PIGL: variants seen among roughly 807,000 people sequenced by gnomAD.
PIGL encodes the protein phosphatidylinositol glycan anchor biosynthesis class L.
Under a neutral mutation model 31.1 loss-of-function variants are expected in PIGL, and 22 were observed. The observed-to-expected ratio is 0.71, with a 90% CI of 0.51 to 1.01. The LOEUF (loss-of-function observed/expected upper bound fraction) is 1.01, where lower values mean the gene tolerates loss of function less well. PIGL is among the 50% of genes least tolerant of loss of function. The probability of loss-of-function intolerance (pLI) is 0.00; values close to 1 mark genes in which losing one functional copy is unlikely to be tolerated. For missense variants in PIGL, 302 were observed against 315.9 expected, an observed-to-expected ratio of 0.96 and a Z score of 0.33; for synonymous variants, 131 against 117.4, an observed-to-expected ratio of 1.12 and a Z score of -0.75.
Position 16,325,938 on chromosome 17 carries a change from A to G in PIGL, c.*40A>G. The G allele has an allele frequency of 6.9e-7, 1 of 1,442,780 alleles. No individual in the cohort carries two copies. Among genetic ancestry groups the G allele is most frequent in the Non-Finnish European group, 9.8e-7 (1 of 1,024,068 alleles). The allele number at this position is 1,442,780 out of a possible 1,614,324, so 89.4% of individuals were successfully genotyped here. A position where few individuals can be genotyped will look rare whatever the true frequency, so the allele number is the denominator to read the frequency against. On this transcript the variant is annotated 3_prime_UTR_variant, in exon 7 of 7. Transcript: ENST00000225609. ...TTCAGATCCAAGGAACAAAGGGGAAAATAGACAAAGGAGTGCAGAGGACCT... is the reference window on the plus strand; with the variant it reads ...TTCAGATCCAAGGAACAAAGGGGAAGATAGACAAAGGAGTGCAGAGGACCT...
At chr17:16,266,457 C>G (rs2142759847) in intron 2 of PIGL, among the ~76,000 whole-genome samples, 1 of 151,132 alleles carries the variant, frequency 6.6e-6, no homozygotes, top group South Asian at 2.1e-4. Flanking sequence ...TACTCTTACT[C>G]TTGGGCAACT....
intron 2 of PIGL, among the ~76,000 whole-genome samples, chr17:16,240,548 G>A (rs1032518186): frequency 2.0e-5 from 3 of 151,986 alleles, no homozygotes; most frequent in Non-Finnish European, 4.4e-5. Context: ...CTGTCACCCA[G>A]GATGAATGCA....
chr17:16,319,612 G>A (rs955653688), intron 6 of PIGL, among the ~76,000 whole-genome samples: 2 of 151,958 alleles, frequency 1.3e-5, no homozygotes, highest in Non-Finnish European at 2.9e-5. Context: ...AAAAGTAGCC[G>A]GGCGTGGTGG....
intron 6 of PIGL, 73 bp from the exon 7 acceptor site, chr17:16,325,727 G>A: frequency 9.1e-7 from 1 of 1,094,230 alleles, no homozygotes; most frequent in Non-Finnish European, 1.4e-6. Context: ...TTAAGGTGCG[G>A]AGGCCAGATC....
intron 2 of PIGL, among the ~76,000 whole-genome samples, chr17:16,254,682 G>A (rs747513704): frequency 1.1e-4 from 17 of 152,094 alleles, no homozygotes; most frequent in Non-Finnish European, 2.2e-4. Context: ...TCGACTCACT[G>A]CAAGCTTCGC....
intron 2 of PIGL, among the ~76,000 whole-genome samples, chr17:16,275,100 G>A (rs751180306): frequency 2.0e-5 from 3 of 152,114 alleles, no homozygotes; most frequent in Non-Finnish European, 4.4e-5. Flanking sequence ...CAGCAAAGTG[G>A]GATGCTCCAC....
chr17:16,299,657 C>G (rs1455336307), intron 2 of PIGL, among the ~76,000 whole-genome samples: 11 of 152,154 alleles, frequency 7.2e-5, no homozygotes, highest in Non-Finnish European at 1.3e-4. Flanking sequence ...TTGTTTCTTA[C>G]CCTCAGCAAC....
chr17:16,283,730 A>G (rs2092925912), intron 2 of PIGL, among the ~76,000 whole-genome samples: 1 of 152,208 alleles, frequency 6.6e-6, no homozygotes, highest in Non-Finnish European at 1.5e-5. Flanking sequence ...AACTTTTTAA[A>G]TCACCGATTA....
chr17:16,246,672 CTTTTTT>C (rs1197171634), intron 2 of PIGL, among the ~76,000 whole-genome samples: 770 of 64,158 alleles, frequency 0.012, 23 homozygotes, highest in African/African-American at 0.042. Context: ...AGATCAAGGT[CTTTTTT>C]TTTTTTTTTT....
intron 2 of PIGL, among the ~76,000 whole-genome samples, chr17:16,258,077 G>GAGAGAGAGAGAGAGAGAGAA (rs2092802400): frequency 2.4e-5 from 3 of 123,430 alleles, no homozygotes; most frequent in Admixed American, 8.2e-5. Context: ...GAAAGAGAGA[G>GAGAGAGAGAGAGAGAGAGAA]AGAGAGAGAG....
chr17:16,259,625 T>A (rs2092811086), intron 2 of PIGL, among the ~76,000 whole-genome samples: 1 of 152,226 alleles, frequency 6.6e-6, no homozygotes, highest in Non-Finnish European at 1.5e-5. Flanking sequence ...TATAAAATTC[T>A]TAAAAGAAAA....
intron 3 of PIGL, among the ~76,000 whole-genome samples, chr17:16,308,198 T>A (rs536927279): frequency 6.6e-5 from 10 of 152,088 alleles, no homozygotes; most frequent in African/African-American, 1.9e-4. Context: ...CCGGGTGTGG[T>A]GGCAGATGCC....
intron 1 of PIGL, 197 bp downstream of exon 1, chr17:16,217,658 C>A: frequency 1.8e-6 from 1 of 556,790 alleles, no homozygotes; most frequent in Non-Finnish European, 3.2e-6. Flanking sequence ...GTCGGCAGCT[C>A]GCGTACTACG....
At chr17:16,302,944 C>T (rs1358322896) in intron 3 of PIGL, among the ~76,000 whole-genome samples, 1 of 152,138 alleles carries the variant, frequency 6.6e-6, no homozygotes, top group Non-Finnish European at 1.5e-5. Flanking sequence ...TATAATCTGA[C>T]CCTTACTGAA....
At chr17:16,249,528 A>C (rs2092762276) in intron 2 of PIGL, among the ~76,000 whole-genome samples, 1 of 152,162 alleles carries the variant, frequency 6.6e-6, no homozygotes. Flanking sequence ...GATATATGAG[A>C]GGGGATTTAT....
intron 2 of PIGL, among the ~76,000 whole-genome samples, chr17:16,293,573 G>A (rs891765173): frequency 1.3e-5 from 2 of 152,202 alleles, no homozygotes; most frequent in Admixed American, 6.5e-5. Flanking sequence ...TTGCTTACAT[G>A]CATCAGCCCC....
intron 2 of PIGL, among the ~76,000 whole-genome samples, chr17:16,272,738 A>G (rs912203496): frequency 1.3e-5 from 2 of 151,692 alleles, no homozygotes; most frequent in African/African-American, 2.4e-5. Context: ...AATGCTGACC[A>G]CTCCCCCAAT....
At chr17:16,253,919 G>A (rs921529243) in intron 2 of PIGL, among the ~76,000 whole-genome samples, 5 of 151,900 alleles carry the variant, frequency 3.3e-5, no homozygotes, top group Non-Finnish European at 7.4e-5. Context: ...CTCCCACTTA[G>A]GTGACAAAAC....
intron 2 of PIGL, among the ~76,000 whole-genome samples, chr17:16,247,581 G>A (rs973429065): frequency 5.9e-5 from 9 of 152,304 alleles, no homozygotes; most frequent in African/African-American, 9.6e-5. Context: ...CTCTTTGGGC[G>A]GATATTCGGC....
Sources: gnomAD v4.1 joint callset for allele counts (sites outside exome capture counted in the v4.1 genomes callset) on GRCh38, gnomAD v4.1.1 for gene constraint, MANE v1.5 for transcripts, NCBI Gene and HGNC (gene_info 2026-07-23, HGNC 2026-07-21) for gene names.